CNOT7: variants seen among roughly 807,000 people sequenced by gnomAD.
CNOT7 encodes the protein CCR4-NOT transcription complex subunit 7, also known as BTG1-binding factor 1.
In CNOT7, 4 loss-of-function variants were observed where a neutral mutation model predicts 37.1. The ratio of observed to expected loss-of-function variants is 0.11; its 90% CI spans 0.05 to 0.25. The LOEUF is 0.25. CNOT7 is among the 10% of genes least tolerant of loss of function. The pLI is 1.00. For missense variants in CNOT7, 170 were observed against 336.2 expected (o/e 0.51, Z 3.87); for synonymous variants, 128 against 115.6 (o/e 1.11, Z -0.69).
chr8:17,245,007 G>T, intron 2 of CNOT7, 29 bp downstream of exon 2: 2 of 1,521,384 alleles, frequency 1.3e-6, no homozygotes, highest in South Asian at 1.2e-5. Flanking sequence ...TTTATATGAA[G>T]CGTTTTAAAG....
In CNOT7 at chr8:17,227,466, T is replaced by C. The variant is rs1444160837; in HGVS notation, c.*3254A>G. On this transcript the variant is annotated 3_prime_UTR_variant, in exon 7 of 7. Coordinates refer to ENST00000361272, the MANE Select transcript of CNOT7 (RefSeq NM_013354.7). ...ACTACTGTTCTCATCAAAGGGCTGATGTCTTAATTTTCTCTGGACACATGT... is the reference window on the plus strand; with the variant it reads ...ACTACTGTTCTCATCAAAGGGCTGACGTCTTAATTTTCTCTGGACACATGT... The C allele has an allele frequency of 6.6e-6, 1 of 151,874 alleles. No homozygotes were observed. 9.4% of individuals were successfully genotyped at this position (151,874 alleles called of 1,614,324 possible). A position where few individuals can be genotyped will look rare whatever the true frequency, so the allele number is the denominator to read the frequency against.
At chr8:17,245,356 T>TA (rs372770233) in intron 1 of CNOT7, 109 bp from the exon 2 acceptor site, 19,412 of 359,974 alleles carry the variant, frequency 0.054, 4 homozygotes, top group Middle Eastern at 0.072. Flanking sequence ...TCTTGACTCA[T>TA]AAAAAAAAAA....
At chr8:17,235,281 C>G (rs561554128) in intron 4 of CNOT7, among the ~76,000 whole-genome samples, 6 of 152,290 alleles carry the variant, frequency 3.9e-5, no homozygotes, top group African/African-American at 9.6e-5. Flanking sequence ...AGCAAGAGAA[C>G]TGGCATTCGG....
intron 4 of CNOT7, among the ~76,000 whole-genome samples, chr8:17,236,881 A>T (rs1002085537): frequency 2.0e-5 from 3 of 152,214 alleles, no homozygotes; most frequent in Non-Finnish European, 4.4e-5. Context: ...GTAGAACATT[A>T]AAAACTAAGG....
intron 6 of CNOT7, 128 bp from the exon 7 acceptor site, chr8:17,230,976 C>A: frequency 1.6e-6 from 1 of 623,218 alleles, no homozygotes; most frequent in Non-Finnish European, 2.7e-6. Context: ...CTATGGTGTT[C>A]CTTTGAGGCT....
rs1380971724 is a variant in CNOT7, at chr8:17,228,583, CTT to C, written c.*2135_*2136del. ...CATTCAGTAGAAACTATAACCCCAT[CTT>C]TGGTCCTAAGGCGCTCCTAAACTTT... On this transcript the variant is annotated 3_prime_UTR_variant, in exon 7 of 7. Coordinates refer to ENST00000361272, the MANE Select transcript of CNOT7 (RefSeq NM_013354.7). 6.6e-6 allele frequency: 1 copy of C among 151,930 alleles called. No individual in the cohort carries two copies. Among genetic ancestry groups the C allele is most frequent in the Non-Finnish European group, 1.5e-5 (1 of 67,852 alleles). The allele number at this position is 151,930 out of a possible 1,614,324, so 9.4% of individuals were successfully genotyped here. A position where few individuals can be genotyped will look rare whatever the true frequency, so the allele number is the denominator to read the frequency against.
At chr8:17,237,843 A>T (rs920051653) in intron 3 of CNOT7, among the ~76,000 whole-genome samples, 1 of 152,236 alleles carries the variant, frequency 6.6e-6, no homozygotes, top group Non-Finnish European at 1.5e-5. Flanking sequence ...CCAGTGGAAA[A>T]TGTCTCATGC....
chr8:17,241,060 TG>T (rs1180179107), intron 3 of CNOT7, among the ~76,000 whole-genome samples: 1 of 152,172 alleles, frequency 6.6e-6, no homozygotes, highest in African/African-American at 2.4e-5. Flanking sequence ...AGACTGTGCG[TG>T]TGTGTATAGA....
At chr8:17,244,729 T>C (rs2904702) in intron 2 of CNOT7, 227,010 of 247,080 alleles carry the variant, frequency 0.92, 105,705 homozygotes, top group Non-Finnish European at 0.98. Context: ...ACAGTAAAGC[T>C]CTGCTTCCCT....
chr8:17,233,307 T>G (rs749819963), intron 5 of CNOT7, among the ~76,000 whole-genome samples: 1 of 152,226 alleles, frequency 6.6e-6, no homozygotes, highest in South Asian at 2.1e-4. Context: ...GGCCCTTCTG[T>G]GCATCACAGC....
At chr8:17,234,962 C>T (rs955890002) in intron 4 of CNOT7, 102 bp from the exon 5 acceptor site, 1 of 958,856 alleles carries the variant, frequency 1.0e-6, no homozygotes, top group Admixed American at 2.8e-5. Context: ...CACACTAGAG[C>T]CCTCCCAAAA....
In CNOT7 at chr8:17,229,185, C is replaced by G. The variant is rs1275967832; in HGVS notation, c.*1535G>C. The G allele has an allele frequency of 5.3e-5, 8 of 151,632 alleles. No homozygotes were observed. Among genetic ancestry groups the G allele is most frequent in the Admixed American group, 5.2e-4 (8 of 15,240 alleles). The allele number at this position is 151,632 out of a possible 1,614,324, so 9.4% of individuals were successfully genotyped here. A position where few individuals can be genotyped will look rare whatever the true frequency, so the allele number is the denominator to read the frequency against. ...TGCCCAAATAAAAATGAACAATATC[C>G]CCCAAATAAGTATTTCCAAAAGAAA... On this transcript the variant is annotated 3_prime_UTR_variant, in exon 7 of 7. Transcript: ENST00000361272.
chr8:17,235,837 T>C (rs1182516905), intron 4 of CNOT7, among the ~76,000 whole-genome samples: 1 of 152,226 alleles, frequency 6.6e-6, no homozygotes, highest in African/African-American at 2.4e-5. Context: ...AATATTCAAA[T>C]ATATCAGTCT....
intron 6 of CNOT7, chr8:17,231,936 CT>C (rs1251735372): frequency 1.0e-6 from 1 of 986,986 alleles, no homozygotes; most frequent in Non-Finnish European, 1.2e-6. Flanking sequence ...AGCCTGAGTT[CT>C]TCTCTATAAA....
In CNOT7 at chr8:17,230,396, GGAAAAGGGAAAAATAAAC is replaced by G. The variant is rs1330908079; in HGVS notation, c.*306_*323del. ...ATTACAGTCAGTGCTAGTTAATTTA[GGAAAAGGGAAAAATAAAC>G]CAAACTCAAGTCGGTAAAGTTTATC... On this transcript the variant is annotated 3_prime_UTR_variant, in exon 7 of 7. Transcript: ENST00000361272. The G allele has an allele frequency of 1.8e-5, 3 of 167,244 alleles. No homozygotes were observed. Among genetic ancestry groups the G allele is most frequent in the Non-Finnish European group, 2.6e-5 (2 of 77,938 alleles). 10.4% of individuals were successfully genotyped at this position (167,244 alleles called of 1,614,324 possible).
intron 1 of CNOT7, chr8:17,246,411 C>G (rs574841821): frequency 6.5e-6 from 1 of 153,224 alleles, no homozygotes; most frequent in South Asian, 2.0e-4. Context: ...AGGTGAGGAT[C>G]TAGGCCACCG....
chr8:17,238,077 C>T (rs923899752), intron 3 of CNOT7, among the ~76,000 whole-genome samples: 1 of 152,250 alleles, frequency 6.6e-6, no homozygotes, highest in Non-Finnish European at 1.5e-5. Context: ...AAAAAGAAAG[C>T]CATCTCCAAC....
Position 17,230,671 on chromosome 8 carries a change from A to G in CNOT7, c.*49T>C, listed in dbSNP as rs1287303387. ...GGATTCAACCAGAGATAAAACCTAT[A>G]TACAAGCATGTGTGTAGCTCGAAAT... On this transcript the variant is annotated 3_prime_UTR_variant, in exon 7 of 7. Coordinates refer to ENST00000361272, the MANE Select transcript of CNOT7 (RefSeq NM_013354.7). 3.3e-6 allele frequency: 5 copies of G among 1,536,838 alleles called. No homozygotes were observed. The African/African-American group carries it at 7.0e-5, about 21-fold the overall frequency.
intron 3 of CNOT7, among the ~76,000 whole-genome samples, chr8:17,241,059 G>C (rs567528380): frequency 6.6e-6 from 1 of 152,142 alleles, no homozygotes; most frequent in Non-Finnish European, 1.5e-5. Flanking sequence ...TAGACTGTGC[G>C]TGTGTGTATA....
Sources: gnomAD v4.1 joint callset for allele counts (sites outside exome capture counted in the v4.1 genomes callset) on GRCh38, gnomAD v4.1.1 for gene constraint, MANE v1.5 for transcripts, NCBI Gene and HGNC (gene_info 2026-07-23, HGNC 2026-07-21) for gene names.